DLGAP1: variants seen among roughly 807,000 people sequenced by gnomAD.
The protein encoded by DLGAP1 is DLG associated protein 1.
In DLGAP1, 11 loss-of-function variants were observed where a neutral mutation model predicts 90.8. The observed-to-expected ratio is 0.12, with a 90% CI of 0.08 to 0.20. The LOEUF (loss-of-function observed/expected upper bound fraction) is 0.20. Among genes scored for constraint, DLGAP1 ranks in the 10% least tolerant of loss-of-function variants. DLGAP1 has a pLI of 1.00. For missense variants in DLGAP1, 1,050 were observed against 1,333.8 expected (o/e 0.79, Z 3.31); for synonymous variants, 558 against 540.7 (o/e 1.03, Z -0.44).
At chr18:4,332,779 G>A (rs1270786856) in intron 1 of DLGAP1, among the ~76,000 whole-genome samples, 3 of 151,976 alleles carry the variant, frequency 2.0e-5, no homozygotes, top group Non-Finnish European at 2.9e-5. Context: ...ACTTCAAAGT[G>A]TGATTTTACA....
chr18:4,364,065 A>G (rs1360033298), intron 1 of DLGAP1, among the ~76,000 whole-genome samples: 2 of 151,906 alleles, frequency 1.3e-5, no homozygotes, highest in Non-Finnish European at 2.9e-5. Context: ...ACCATGGAAT[A>G]CTATGCAGCC....
chr18:4,115,642 C>T lies in DLGAP1; in HGVS notation c.-159+35538G>A, dbSNP rs577465586. On this transcript the variant is annotated intron_variant, in intron 2 of 12. Transcript: ENST00000315677. ...CTGGGACTACAGGCGCCTGCCACAA[C>T]GCCTGGCTAATTTTTTTGTATTTTT... Among the ~76,000 whole-genome samples, 17 of 152,214 alleles carry T rather than the reference C, an allele frequency of 1.1e-4. No homozygotes were observed. In the East Asian group the frequency reaches 2.1e-3, roughly 19 times the overall value.
At chr18:4,114,749 G>A (rs73384794) in intron 2 of DLGAP1, among the ~76,000 whole-genome samples, 8,888 of 151,798 alleles carry the variant, frequency 0.059, 880 homozygotes, top group African/African-American at 0.2. Flanking sequence ...TATGTATGTC[G>A]TCTCATATTT....
At chr18:4,449,064 G>C (rs1420243215) in intron 1 of DLGAP1, among the ~76,000 whole-genome samples, 2 of 152,058 alleles carry the variant, frequency 1.3e-5, no homozygotes, top group African/African-American at 4.8e-5. Context: ...CATATACGCA[G>C]AAAATGAAAA....
intron 4 of DLGAP1, among the ~76,000 whole-genome samples, chr18:3,829,560 A>G (rs939662574): frequency 6.6e-6 from 1 of 152,116 alleles, no homozygotes; most frequent in Non-Finnish European, 1.5e-5. Context: ...GGAAAAAAAA[A>G]GATTTATTTT....
chr18:4,171,169 T>G (rs2077018014), intron 1 of DLGAP1, among the ~76,000 whole-genome samples: 1 of 152,196 alleles, frequency 6.6e-6, no homozygotes, highest in Admixed American at 6.5e-5. Flanking sequence ...ACGATATAAA[T>G]AATTTCTTAA....
chr18:4,358,597 C>T (rs561553896), intron 1 of DLGAP1, among the ~76,000 whole-genome samples: 3 of 152,332 alleles, frequency 2.0e-5, no homozygotes, highest in South Asian at 4.1e-4. Context: ...GCAGACTACT[C>T]ACTCTCCATT....
intron 7 of DLGAP1, among the ~76,000 whole-genome samples, chr18:3,700,514 C>A (rs1167731362): frequency 6.6e-6 from 1 of 152,216 alleles, no homozygotes; most frequent in Non-Finnish European, 1.5e-5. Context: ...GCAGAAATCA[C>A]CTGCCTTCTG....
At chr18:3,757,605 A>G (rs2063769238) in intron 5 of DLGAP1, among the ~76,000 whole-genome samples, 1 of 152,210 alleles carries the variant, frequency 6.6e-6, no homozygotes, top group African/African-American at 2.4e-5. Flanking sequence ...AAAATCAATT[A>G]ATATAATACA....
chr18:3,988,760 C>G (rs1341392096), intron 3 of DLGAP1, among the ~76,000 whole-genome samples: 1 of 152,156 alleles, frequency 6.6e-6, no homozygotes, highest in Non-Finnish European at 1.5e-5. Context: ...TGTACCAGTA[C>G]CAGTCTGTGG....
chr18:3,733,987 A>T (rs1297677780), intron 6 of DLGAP1, among the ~76,000 whole-genome samples: 1 of 152,210 alleles, frequency 6.6e-6, no homozygotes, highest in Non-Finnish European at 1.5e-5. Context: ...GTAATTTTAC[A>T]AGAATATGTC....
chr18:4,198,903 C>T (rs183244521), intron 1 of DLGAP1, among the ~76,000 whole-genome samples: 178 of 152,298 alleles, frequency 1.2e-3, no homozygotes, highest in African/African-American at 3.8e-3. Flanking sequence ...ATGCCACAAC[C>T]TCTGTGGCTC....
At chr18:3,891,995 A>C (rs1019467600) in intron 3 of DLGAP1, 2 of 151,752 alleles carry the variant, frequency 1.3e-5, no homozygotes, top group African/African-American at 4.8e-5. Flanking sequence ...CTCCTATTTC[A>C]ACCTCCCAAG....
chr18:4,127,828 C>A (rs986989381), intron 2 of DLGAP1, among the ~76,000 whole-genome samples: 1 of 152,142 alleles, frequency 6.6e-6, no homozygotes, highest in African/African-American at 2.4e-5. Flanking sequence ...TATGTAATTT[C>A]TTGGCTTATT....
intron 1 of DLGAP1, among the ~76,000 whole-genome samples, chr18:4,352,307 C>A (rs968775703): frequency 2.0e-5 from 3 of 152,124 alleles, no homozygotes; most frequent in Admixed American, 6.6e-5. Flanking sequence ...GCTCTCAAAT[C>A]TCTCCCTCTC....
In DLGAP1 at chr18:3,918,630, A is replaced by G. The variant is rs375015518; in HGVS notation, c.-72-38490T>C. On this transcript the variant is annotated intron_variant, in intron 3 of 12. Coordinates refer to ENST00000315677, the MANE Select transcript of DLGAP1 (RefSeq NM_004746.4). ...GATTTTCCCCCTAAGTTTTCTCTGAAAGAATGGTTTCTACCTGTGTTATGG... is the reference window on the plus strand; with the variant it reads ...GATTTTCCCCCTAAGTTTTCTCTGAGAGAATGGTTTCTACCTGTGTTATGG... 2.0e-4 allele frequency among the ~76,000 whole-genome samples: 31 copies of G among 152,284 alleles called. No individual in the cohort carries two copies. In the East Asian group the frequency reaches 2.5e-3, roughly 12 times the overall value.
At chr18:4,022,420 C>CAG (rs2149114562) in intron 2 of DLGAP1, among the ~76,000 whole-genome samples, 1 of 150,674 alleles carries the variant, frequency 6.6e-6, no homozygotes, top group African/African-American at 2.4e-5. Flanking sequence ...CACACACACA[C>CAG]ACACCACACA....
intron 1 of DLGAP1, among the ~76,000 whole-genome samples, chr18:4,210,397 A>G (rs2077817108): frequency 6.6e-6 from 1 of 152,224 alleles, no homozygotes; most frequent in Non-Finnish European, 1.5e-5. Flanking sequence ...TACTCAGCTC[A>G]TAGAGAGTCT....
intron 2 of DLGAP1, among the ~76,000 whole-genome samples, chr18:4,030,855 G>A (rs945649284): frequency 9.2e-5 from 14 of 152,254 alleles, no homozygotes; most frequent in South Asian, 2.1e-4. Context: ...CCGGGGAGGC[G>A]GAGGTTGCAA....
Sources: allele counts gnomAD v4.1 joint callset (sites outside exome capture counted in the v4.1 genomes callset), GRCh38; gene constraint gnomAD v4.1.1; transcripts MANE v1.5; gene names NCBI Gene and HGNC (gene_info 2026-07-23, HGNC 2026-07-21).